The following MMP26 variants were observed in gnomAD, a reference collection of about 807,000 sequenced individuals.
MMP26 encodes matrix metallopeptidase 26.
Under a neutral mutation model 31.0 loss-of-function variants are expected in MMP26, and 33 were observed. The ratio of observed to expected loss-of-function variants is 1.06; its 90% CI spans 0.81 to 1.42. MMP26 has a LOEUF of 1.42. Ranked by LOEUF, MMP26 falls within the 40% of genes most tolerant of loss-of-function variation. The pLI, the probability that MMP26 is intolerant of heterozygous loss-of-function variation, is 0.00. For missense variants in MMP26, 347 were observed against 316.1 expected (o/e 1.10, Z -0.74); for synonymous variants, 122 against 114.9 (o/e 1.06, Z -0.40).
At chr11:4,743,648 T>C (rs977567000) in intron 1 of MMP26, among the ~76,000 whole-genome samples, 1 of 152,238 alleles carries the variant, frequency 6.6e-6, no homozygotes, top group African/African-American at 2.4e-5. Flanking sequence ...GATAAATCAC[T>C]GTAATATTTG....
intron 2 of MMP26, among the ~76,000 whole-genome samples, chr11:4,928,235 T>C (rs1200903428): frequency 6.6e-6 from 1 of 152,126 alleles, no homozygotes; most frequent in African/African-American, 2.4e-5. Flanking sequence ...GTTTCAGAGT[T>C]TACTGCTAAT....
intron 2 of MMP26, chr11:4,923,338 G>A: frequency 5.3e-6 from 8 of 1,516,266 alleles, no homozygotes; most frequent in Non-Finnish European, 7.1e-6. Flanking sequence ...GAAACCTGTG[G>A]GCTTTATGTC....
intron 2 of MMP26, among the ~76,000 whole-genome samples, chr11:4,845,933 A>T (rs528206121): frequency 6.6e-6 from 1 of 152,204 alleles, no homozygotes; most frequent in Non-Finnish European, 1.5e-5. Flanking sequence ...TATCCAAAAG[A>T]CAGACAATGC....
chr11:4,969,152 C>T (rs982006261), intron 2 of MMP26, among the ~76,000 whole-genome samples: 8 of 151,898 alleles, frequency 5.3e-5, no homozygotes, highest in African/African-American at 1.9e-4. Flanking sequence ...GATTCGGTAA[C>T]AGGATTGCAA....
chr11:4,931,757 C>T (rs1169239304), intron 2 of MMP26, among the ~76,000 whole-genome samples: 1 of 151,922 alleles, frequency 6.6e-6, no homozygotes, highest in African/African-American at 2.4e-5. Context: ...GGGTCACTTG[C>T]ATTAAGTTTT....
At chr11:4,705,319 T>G (rs1303077936) in intron 1 of MMP26, among the ~76,000 whole-genome samples, 1 of 152,214 alleles carries the variant, frequency 6.6e-6, no homozygotes, top group Non-Finnish European at 1.5e-5. Context: ...GCATGGCGTT[T>G]GGAGTAAGAA....
At chr11:4,945,724 A>C in intron 2 of MMP26, 1 of 221,654 alleles carries the variant, frequency 4.5e-6, no homozygotes, top group East Asian at 1.2e-4. Flanking sequence ...CATGTATCCC[A>C]ATATGGAATA....
chr11:4,852,624 T>A (rs1849991278), intron 2 of MMP26, among the ~76,000 whole-genome samples: 1 of 152,146 alleles, frequency 6.6e-6, no homozygotes, highest in South Asian at 2.1e-4. Context: ...GGTAGGAGTA[T>A]AAATTTGTAC....
chr11:4,849,083 G>A, intron 2 of MMP26: 1 of 1,614,088 alleles, frequency 6.2e-7, no homozygotes, highest in East Asian at 2.2e-5. Flanking sequence ...AGAGAAGGTA[G>A]ACAGCAATGA....
intron 2 of MMP26, among the ~76,000 whole-genome samples, chr11:4,811,017 G>T (rs1351773233): frequency 6.6e-6 from 1 of 152,062 alleles, no homozygotes; most frequent in African/African-American, 2.4e-5. Flanking sequence ...TATGATAGAT[G>T]GTAATGATCA....
At chr11:4,715,444 T>C (rs1386859645) in intron 1 of MMP26, among the ~76,000 whole-genome samples, 8 of 152,170 alleles carry the variant, frequency 5.3e-5, no homozygotes, top group Non-Finnish European at 1.0e-4. Context: ...AATTCATGTT[T>C]AATTTATACG....
intron 2 of MMP26, among the ~76,000 whole-genome samples, chr11:4,869,860 CAT>C (rs1564797441): frequency 6.6e-6 from 1 of 152,028 alleles, no homozygotes; most frequent in South Asian, 2.1e-4. Flanking sequence ...AAATGTGGCA[CAT>C]ATATATACAC....
chr11:4,772,792 G>C (rs1017860507), intron 2 of MMP26, among the ~76,000 whole-genome samples: 1 of 152,304 alleles, frequency 6.6e-6, no homozygotes, highest in East Asian at 1.9e-4. Context: ...CCTTTATAGA[G>C]AAGCTGCACA....
chr11:4,885,775 T>G (rs1850538519), intron 2 of MMP26, among the ~76,000 whole-genome samples: 2 of 152,142 alleles, frequency 1.3e-5, no homozygotes, highest in Admixed American at 1.3e-4. Context: ...AATATTTACC[T>G]GCTATTATTC....
Position 4,807,165 on chromosome 11 carries a change from A to C in MMP26, c.-145+39824A>C, listed in dbSNP as rs150597287. 4.5e-3 allele frequency among the ~76,000 whole-genome samples: 679 copies of C among 152,288 alleles called. 4 individuals are homozygous for C. The highest frequency in any genetic ancestry group is 0.015 in the African/African-American group (610 of 41,562). On this transcript the variant is annotated intron_variant, in intron 2 of 7. Transcript: ENST00000380390. ...GTGCATGTGTCTTTAGAGTAGCATG[A>C]TTTATAAACCTTTGGGTAAATACCC...
intron 2 of MMP26, among the ~76,000 whole-genome samples, chr11:4,847,104 A>G (rs748937597): frequency 6.6e-6 from 1 of 152,238 alleles, no homozygotes; most frequent in Non-Finnish European, 1.5e-5. Context: ...AGTACAAGAA[A>G]TCAAACCCTG....
At chr11:4,821,792 G>C in intron 2 of MMP26, 19 of 1,613,054 alleles carry the variant, frequency 1.2e-5, no homozygotes, top group Non-Finnish European at 1.6e-5. Flanking sequence ...GCCTTTGATC[G>C]TTTTGTGGCC....
intron 2 of MMP26, among the ~76,000 whole-genome samples, chr11:4,975,736 C>T (rs1191299955): frequency 1.3e-5 from 2 of 152,008 alleles, no homozygotes; most frequent in African/African-American, 2.4e-5. Flanking sequence ...CCATGCTGTT[C>T]CTCCTGTGGA....
chr11:4,984,397 T>A (rs1379663147), intron 2 of MMP26, among the ~76,000 whole-genome samples: 1 of 152,228 alleles, frequency 6.6e-6, no homozygotes, highest in Non-Finnish European at 1.5e-5. Flanking sequence ...GCACAGCGTA[T>A]GCGCTCAATA....
Sources: allele counts gnomAD v4.1 joint callset (sites outside exome capture counted in the v4.1 genomes callset), GRCh38; gene constraint gnomAD v4.1.1; transcripts MANE v1.5; gene names NCBI Gene and HGNC (gene_info 2026-07-23, HGNC 2026-07-21).